TNS3: variants seen among roughly 807,000 people sequenced by gnomAD.
TNS3 encodes the protein tensin-3.
Under a neutral mutation model 140.9 loss-of-function variants are expected in TNS3, and 45 were observed. That is an observed-to-expected ratio of 0.32 (90% CI 0.25 to 0.41). TNS3 has a LOEUF of 0.41. Among genes scored for constraint, TNS3 ranks in the 10% least tolerant of loss-of-function variants. The probability of loss-of-function intolerance (pLI) is 1.00; values close to 1 mark genes in which losing one functional copy is unlikely to be tolerated. For synonymous variants in TNS3, 815 were observed against 788.4 expected (o/e 1.03, Z -0.56); for missense variants, 1,716 against 1,906.7 (o/e 0.90, Z 1.86).
intron 2 of TNS3, among the ~76,000 whole-genome samples, chr7:47,515,031 G>C (rs1213322368): frequency 6.6e-6 from 1 of 152,186 alleles, no homozygotes; most frequent in Non-Finnish European, 1.5e-5. Context: ...TTTGAGGAGT[G>C]TAAGAAAAAC....
At chr7:47,533,124 T>TATATATATATATATATA (rs56661018) in intron 1 of TNS3, among the ~76,000 whole-genome samples, 14 of 26,958 alleles carry the variant, frequency 5.2e-4, no homozygotes, top group African/African-American at 1.3e-3. Flanking sequence ...TATATATATA[T>TATATATATATATATATA]TTTTTTTTTT....
At chr7:47,468,663 C>A (rs1443139696) in intron 4 of TNS3, among the ~76,000 whole-genome samples, 3 of 152,018 alleles carry the variant, frequency 2.0e-5, no homozygotes, top group African/African-American at 7.2e-5. Context: ...GCCATACTAC[C>A]CAAAGCAATT....
intron 2 of TNS3, among the ~76,000 whole-genome samples, chr7:47,520,771 T>C (rs1212690124): frequency 1.3e-5 from 2 of 152,140 alleles, no homozygotes; most frequent in African/African-American, 4.8e-5. Context: ...GGAGATTCTG[T>C]CGTGTTGCCA....
rs1352890371 is a variant in TNS3 at position 47,389,104 on chromosome 7, GGAAGCA to G, written c.1024+7690_1024+7695del. 3.0e-4 allele frequency among the ~76,000 whole-genome samples: 9 copies of G among 29,976 alleles called. 2 individuals carry two copies. Among genetic ancestry groups the G allele is most frequent in the Admixed American group, 5.1e-4 (1 of 1,946 alleles). The allele number at this position is 29,976 out of a possible 152,430, so 19.7% of individuals were successfully genotyped here. On this transcript the variant is annotated intron_variant, in intron 16 of 30. Coordinates refer to ENST00000311160, the MANE Select transcript of TNS3 (RefSeq NM_022748.12). The stretch of plus-strand genomic sequence containing the variant: ...AAGAAGAGGAAGAGGAAGAGGAAGC[GGAAGCA>G]GAAGAAGAAGAAGAAGAAGAAGAAG...
intron 6 of TNS3, 151 bp downstream of exon 6, chr7:47,439,336 G>T: frequency 1.2e-6 from 1 of 813,150 alleles, no homozygotes; most frequent in Non-Finnish European, 1.9e-6. Context: ...GCAGCAGAGA[G>T]ACAGAGGACG....
intron 2 of TNS3, among the ~76,000 whole-genome samples, chr7:47,507,572 C>T (rs560865626): frequency 1.1e-4 from 17 of 152,260 alleles, no homozygotes; most frequent in Non-Finnish European, 1.9e-4. Context: ...ATTGTGTGAA[C>T]GGAGCGAGTC....
At position 47,524,808 on chromosome 7, in the gene TNS3, C is replaced by CAAAAAAAAAAAAAA. The variant is rs1354544006; in HGVS notation, c.-153+4227_-153+4228insTTTTTTTTTTTTTT. On this transcript the variant is annotated intron_variant, in intron 2 of 30. Coordinates refer to ENST00000311160, the MANE Select transcript of TNS3 (RefSeq NM_022748.12). Reference sequence around the variant, plus strand: ...TGGGCGACAGAGCGAGACTCCGTCTCAAGAAAAAAAAAAAAAAAAAAAAAA... The same window carrying CAAAAAAAAAAAAAA: ...TGGGCGACAGAGCGAGACTCCGTCTCAAAAAAAAAAAAAAAAGAAAAAAAAAAAAAAAAAAAAAA... Among the ~76,000 whole-genome samples the CAAAAAAAAAAAAAA allele has an allele frequency of 2.4e-4, 6 of 25,258 alleles. 3 individuals carry two copies. The highest frequency in any genetic ancestry group is 3.9e-4 in the Non-Finnish European group (4 of 10,322). 16.6% of individuals were successfully genotyped at this position (25,258 alleles called of 152,430 possible). A position where few individuals can be genotyped will look rare whatever the true frequency, so the allele number is the denominator to read the frequency against.
At chr7:47,328,631 C>G (rs893061153) in intron 20 of TNS3, among the ~76,000 whole-genome samples, 103 of 152,346 alleles carry the variant, frequency 6.8e-4, no homozygotes, top group Middle Eastern at 3.4e-3. Flanking sequence ...CCTCTGCCCC[C>G]CACCCCGGCA....
At chr7:47,439,723 A>T in intron 5 of TNS3, 65 bp from the exon 6 acceptor site, 1 of 1,545,664 alleles carries the variant, frequency 6.5e-7, no homozygotes, top group Non-Finnish European at 8.8e-7. Flanking sequence ...ATCCTCTAGG[A>T]AAAAGGTGAA....
At chr7:47,304,305 C>T (rs542123266) in intron 21 of TNS3, among the ~76,000 whole-genome samples, 1 of 152,328 alleles carries the variant, frequency 6.6e-6, no homozygotes, top group African/African-American at 2.4e-5. Context: ...AGCAATGGAA[C>T]ATTCATGGGT....
chr7:47,471,745 C>T (rs570639030), intron 4 of TNS3, among the ~76,000 whole-genome samples: 8 of 152,346 alleles, frequency 5.3e-5, no homozygotes, highest in Non-Finnish European at 8.8e-5. Context: ...CCACCTCCCC[C>T]TCGGGTGTCC....
intron 8 of TNS3, 119 bp downstream of exon 8, chr7:47,435,162 TA>T: frequency 7.5e-7 from 1 of 1,340,700 alleles, no homozygotes; most frequent in Non-Finnish European, 1.0e-6. Flanking sequence ...GACAAACCCA[TA>T]AGGAGCACAT....
intron 4 of TNS3, among the ~76,000 whole-genome samples, chr7:47,472,866 T>C (rs926641903): frequency 9.2e-5 from 14 of 152,168 alleles, no homozygotes; most frequent in African/African-American, 3.1e-4. Context: ...CCGTTGTTGT[T>C]CAGGACGCAG....
At chr7:47,372,100 T>C (rs924960189) in intron 16 of TNS3, among the ~76,000 whole-genome samples, 16 of 152,244 alleles carry the variant, frequency 1.1e-4, no homozygotes, top group African/African-American at 3.9e-4. Flanking sequence ...GTTTTCAGCG[T>C]GTGAGAAGGA....
chr7:47,564,654 A>AAAAAAAAAAAC (rs1800391410), intron 1 of TNS3, among the ~76,000 whole-genome samples: 1 of 146,656 alleles, frequency 6.8e-6, no homozygotes, highest in Non-Finnish European at 1.5e-5. Context: ...AAAAAACAAA[A>AAAAAAAAAAAC]AAAAACAAAA....
chr7:47,527,089 T>TC lies in TNS3; in HGVS notation c.-153+1946_-153+1947insG, dbSNP rs1799221233. 1.0e-4 allele frequency among the ~76,000 whole-genome samples: 14 copies of TC among 139,014 alleles called. No homozygotes were observed. The South Asian group carries it at 3.4e-3, about 34-fold the overall frequency. The allele number at this position is 139,014 out of a possible 152,430, so 91.2% of individuals were successfully genotyped here. A position where few individuals can be genotyped will look rare whatever the true frequency, so the allele number is the denominator to read the frequency against. The stretch of plus-strand genomic sequence containing the variant: ...CTATTAAAAATACAAAAAAAAAAAT[T>TC]AGCCGGGCATGGTGGCGGGCGCCTG... On this transcript the variant is annotated intron_variant, in intron 2 of 30. Transcript: ENST00000311160.
intron 17 of TNS3, among the ~76,000 whole-genome samples, chr7:47,350,357 C>T (rs530888424): frequency 6.0e-4 from 91 of 152,234 alleles, no homozygotes; most frequent in Non-Finnish European, 1.1e-3. Flanking sequence ...GTTTATTCTT[C>T]CCAGTCTTAG....
At chr7:47,314,479 C>A (rs922857003) in intron 20 of TNS3, among the ~76,000 whole-genome samples, 5 of 152,192 alleles carry the variant, frequency 3.3e-5, no homozygotes, top group African/African-American at 1.2e-4. Context: ...CACCAAAAAT[C>A]GTATAGTCAA....
chr7:47,436,215 T>C (rs1307612764), intron 7 of TNS3, among the ~76,000 whole-genome samples: 2 of 152,244 alleles, frequency 1.3e-5, no homozygotes, highest in South Asian at 2.1e-4. Flanking sequence ...CTCTTTTCTG[T>C]ATACATTTAG....
Sources: gnomAD v4.1 joint callset for allele counts (sites outside exome capture counted in the v4.1 genomes callset) on GRCh38, gnomAD v4.1.1 for gene constraint, MANE v1.5 for transcripts, NCBI Gene and HGNC (gene_info 2026-07-23, HGNC 2026-07-21) for gene names.